The following GRM1 variants were observed in gnomAD, a reference collection of about 807,000 sequenced individuals.
The protein encoded by GRM1 is metabotropic glutamate receptor 1.
In GRM1, 33 loss-of-function variants were observed where a neutral mutation model predicts 90.9. The observed-to-expected ratio is 0.36, with a 90% CI of 0.28 to 0.49. The LOEUF (loss-of-function observed/expected upper bound fraction) is 0.49. Ranked by LOEUF, GRM1 falls within the 20% of genes least tolerant of loss-of-function variation. The probability of loss-of-function intolerance (pLI) is 0.99; values close to 1 mark genes in which losing one functional copy is unlikely to be tolerated. For synonymous variants in GRM1, 700 were observed against 613.2 expected (o/e 1.14, Z -2.09); for missense variants, 1,190 against 1,534.3 (o/e 0.78, Z 3.75).
At chr6:146,249,102 A>C (rs971529524) in intron 2 of GRM1, among the ~76,000 whole-genome samples, 2 of 152,196 alleles carry the variant, frequency 1.3e-5, no homozygotes, top group African/African-American at 4.8e-5. Flanking sequence ...TGAAATTAGA[A>C]CTTATGTTTG....
At chr6:146,293,319 A>G (rs1783058984) in intron 2 of GRM1, among the ~76,000 whole-genome samples, 1 of 152,052 alleles carries the variant, frequency 6.6e-6, no homozygotes, top group African/African-American at 2.4e-5. Context: ...TAAAAAAACA[A>G]TGGAGAGGAG....
chr6:146,046,019 A>C (rs1791318393), intron 1 of GRM1, among the ~76,000 whole-genome samples: 1 of 151,876 alleles, frequency 6.6e-6, no homozygotes, highest in Non-Finnish European at 1.5e-5. Flanking sequence ...ATTTGATCTC[A>C]CGTCCTCTGA....
intron 7 of GRM1, among the ~76,000 whole-genome samples, chr6:146,411,259 G>A (rs1170651111): frequency 6.6e-6 from 1 of 152,144 alleles, no homozygotes; most frequent in Non-Finnish European, 1.5e-5. Flanking sequence ...TTCTGAAGAA[G>A]GAGAAGCAGT....
intron 2 of GRM1, among the ~76,000 whole-genome samples, chr6:146,277,967 G>T (rs1231933337): frequency 6.6e-6 from 1 of 151,998 alleles, no homozygotes; most frequent in Non-Finnish European, 1.5e-5. Flanking sequence ...TACATTAAGA[G>T]AAAAAAATTT....
At chr6:146,232,247 T>C (rs1278677932) in intron 2 of GRM1, among the ~76,000 whole-genome samples, 2 of 152,066 alleles carry the variant, frequency 1.3e-5, no homozygotes, top group African/African-American at 4.8e-5. Flanking sequence ...AAGTCAGAGT[T>C]CAAGGTGTTG....
intron 1 of GRM1, among the ~76,000 whole-genome samples, chr6:146,094,208 G>A (rs1323939326): frequency 6.6e-6 from 1 of 152,118 alleles, no homozygotes; most frequent in African/African-American, 2.4e-5. Flanking sequence ...CTACAAGCTA[G>A]AGAAAGTGCA....
At chr6:146,173,127 C>T (rs1009248640) in intron 2 of GRM1, among the ~76,000 whole-genome samples, 2 of 152,162 alleles carry the variant, frequency 1.3e-5, no homozygotes, top group African/African-American at 2.4e-5. Context: ...CAGCAACTCA[C>T]GCCTGTAATT....
chr6:146,337,830 A>G (rs1784829187), intron 3 of GRM1, among the ~76,000 whole-genome samples: 2 of 152,234 alleles, frequency 1.3e-5, no homozygotes, highest in African/African-American at 4.8e-5. Flanking sequence ...AATTCCCCCA[A>G]AAGAAAATGA....
chr6:146,046,404 G>C (rs1791333689), intron 1 of GRM1, among the ~76,000 whole-genome samples: 1 of 151,932 alleles, frequency 6.6e-6, no homozygotes, highest in African/African-American at 2.4e-5. Context: ...CACACAGCTA[G>C]TTACTACAAG....
intron 2 of GRM1, among the ~76,000 whole-genome samples, chr6:146,207,135 G>A (rs1352977693): frequency 6.6e-6 from 1 of 152,070 alleles, no homozygotes; most frequent in Non-Finnish European, 1.5e-5. Context: ...TGTCTTTATG[G>A]CAGAATGATT....
chr6:146,337,690 A>C (rs1784822858), intron 3 of GRM1, among the ~76,000 whole-genome samples: 1 of 152,210 alleles, frequency 6.6e-6, no homozygotes, highest in Admixed American at 6.5e-5. Context: ...GTACTTGGTG[A>C]ATCAGACTCA....
Position 146,434,231 on chromosome 6 carries a change from C to G in GRM1, c.3020C>G (p.Pro1007Arg), listed in dbSNP as rs769105212. Reference protein sequence around the residue: ...AEETPLFLAEPALPKGLPPPL... With the variant: ...AEETPLFLAERALPKGLPPPL... ...GAGACCCCCCTCTTCCTGGCCGAAC[C>G]AGCCCTCCCCAAGGGCTTGCCCCCT... The change falls in exon 8 of 8, where the codon CCA becomes CGA. Residue 1007 changes from proline (P) to arginine (R), a missense_variant. By Grantham distance (103) the Pro-to-Arg change is moderately radical. Coordinates refer to ENST00000282753, the MANE Select transcript of GRM1 (RefSeq NM_001278064.2). The G allele has an allele frequency of 1.9e-6, 3 of 1,604,986 alleles. No homozygotes were observed. In the South Asian group the frequency reaches 3.3e-5, roughly 18 times the overall value.
At chr6:146,278,941 C>G (rs1782470750) in intron 2 of GRM1, among the ~76,000 whole-genome samples, 1 of 152,102 alleles carries the variant, frequency 6.6e-6, no homozygotes, top group Non-Finnish European at 1.5e-5. Flanking sequence ...TCTTGACCTC[C>G]TAATCCGCCC....
intron 1 of GRM1, among the ~76,000 whole-genome samples, chr6:146,061,596 A>G (rs55712219): frequency 0.14 from 20,818 of 152,128 alleles, 1,837 homozygotes; most frequent in Non-Finnish European, 0.2. Context: ...TCCGGAATCT[A>G]CAAAGAACTT....
chr6:146,396,994 A>G (rs1187897895), intron 6 of GRM1, among the ~76,000 whole-genome samples: 2 of 152,188 alleles, frequency 1.3e-5, no homozygotes, highest in Admixed American at 6.5e-5. Flanking sequence ...CCAGAGTGAG[A>G]AAATTATTGA....
At chr6:146,131,226 T>C (rs1322147858) in intron 1 of GRM1, among the ~76,000 whole-genome samples, 1 of 152,180 alleles carries the variant, frequency 6.6e-6, no homozygotes, top group Non-Finnish European at 1.5e-5. Flanking sequence ...TGAATTTGTC[T>C]GTACTGTCCT....
At chr6:146,370,651 T>C (rs539021323) in intron 5 of GRM1, among the ~76,000 whole-genome samples, 2 of 152,010 alleles carry the variant, frequency 1.3e-5, no homozygotes, top group South Asian at 4.1e-4. Context: ...ATTGAATATA[T>C]ATATGCCAAC....
At chr6:146,284,681 C>T (rs1583273824) in intron 2 of GRM1, among the ~76,000 whole-genome samples, 1 of 152,110 alleles carries the variant, frequency 6.6e-6, no homozygotes, top group African/African-American at 2.4e-5. Context: ...GGCAGTTTCC[C>T]CCATGTGCTC....
At chr6:146,140,090 A>ATTCTTTCTTTCTTTCTCT (rs1776796908) in intron 1 of GRM1, among the ~76,000 whole-genome samples, 2 of 57,874 alleles carry the variant, frequency 3.5e-5, no homozygotes, top group African/African-American at 1.5e-4. Context: ...TTCTTTCTTT[A>ATTCTTTCTTTCTTTCTCT]TTCTTTCTTT....
Sources: allele counts gnomAD v4.1 joint callset (sites outside exome capture counted in the v4.1 genomes callset), GRCh38; gene constraint gnomAD v4.1.1; transcripts MANE v1.5; gene names NCBI Gene and HGNC (gene_info 2026-07-23, HGNC 2026-07-21).